Variants in LAMA2 observed in about 807,000 individuals in gnomAD.
The protein encoded by LAMA2 is laminin subunit alpha 2.
LAMA2 carries 269 observed loss-of-function variants against 364.8 expected under a neutral mutation model. That is an observed-to-expected ratio of 0.74 (90% CI 0.67 to 0.82). LAMA2 has a LOEUF of 0.82. Among genes scored for constraint, LAMA2 ranks in the 40% least tolerant of loss-of-function variants. The probability of loss-of-function intolerance (pLI) is 0.00; values close to 1 mark genes in which losing one functional copy is unlikely to be tolerated. For missense variants in LAMA2, 3,807 were observed against 3,873.2 expected, an observed-to-expected ratio of 0.98 and a Z score of 0.45; for synonymous variants, 1,379 against 1,370.6, an observed-to-expected ratio of 1.01 and a Z score of -0.14.
At chr6:129,506,105 C>T (rs925088477) in intron 61 of LAMA2, among the ~76,000 whole-genome samples, 1 of 152,032 alleles carries the variant, frequency 6.6e-6, no homozygotes, top group Non-Finnish European at 1.5e-5. Flanking sequence ...GTAATCCCAG[C>T]ACTTTGGGAG....
At chr6:129,256,655 A>G (rs1786688504) in intron 14 of LAMA2, among the ~76,000 whole-genome samples, 1 of 151,368 alleles carries the variant, frequency 6.6e-6, no homozygotes, top group Non-Finnish European at 1.5e-5. Context: ...TTTAATAAAT[A>G]GCTGCAAAAG....
At chr6:129,008,093 A>C (rs1348860174) in intron 1 of LAMA2, among the ~76,000 whole-genome samples, 1 of 152,176 alleles carries the variant, frequency 6.6e-6, no homozygotes, top group Admixed American at 6.5e-5. Context: ...GTAGTTCACT[A>C]TTGAAATCAT....
At chr6:129,041,598 A>C (rs75706043) in intron 1 of LAMA2, among the ~76,000 whole-genome samples, 2,337 of 152,312 alleles carry the variant, frequency 0.015, 72 homozygotes, top group African/African-American at 0.053. Flanking sequence ...AATCTTACAT[A>C]TGTGTCATAT....
chr6:129,288,711 T>C (rs1351724211), intron 19 of LAMA2, among the ~76,000 whole-genome samples: 1 of 152,164 alleles, frequency 6.6e-6, no homozygotes, highest in Non-Finnish European at 1.5e-5. Flanking sequence ...CCTCTTTACC[T>C]TTTTTGCTGT....
chr6:129,370,192 A>G (rs529878249), intron 34 of LAMA2, among the ~76,000 whole-genome samples: 2 of 152,350 alleles, frequency 1.3e-5, no homozygotes, highest in African/African-American at 4.8e-5. Context: ...GGATACCTGG[A>G]AATTGTCAAT....
chr6:128,923,771 G>A lies in LAMA2; in HGVS notation c.112+40414G>A, dbSNP rs61478478. Among the ~76,000 whole-genome samples, 615 of 152,220 alleles carry A rather than the reference G, an allele frequency of 4.0e-3. 2 individuals are homozygous for A. The highest frequency in any genetic ancestry group is 0.013 in the African/African-American group (532 of 41,538). The stretch of plus-strand genomic sequence containing the variant: ...TAAACCCCCAAATCTTAAAATCTTA[G>A]CATTATAGAGGTTTATTTCTCAATG... On this transcript the variant is annotated intron_variant, in intron 1 of 64. Transcript: ENST00000421865.
At chr6:129,264,452 G>A (rs531559275) in intron 15 of LAMA2, among the ~76,000 whole-genome samples, 102 of 152,166 alleles carry the variant, frequency 6.7e-4, no homozygotes, top group African/African-American at 2.4e-3. Context: ...GCTGTGAAGT[G>A]TAAATGTCAA....
In LAMA2 at chr6:129,250,168, G is replaced by A. The variant is rs1473336393; in HGVS notation, c.1839G>A (p.Glu613=). 3.7e-6 allele frequency: 6 copies of A among 1,610,012 alleles called. No homozygotes were observed. Among genetic ancestry groups the A allele is most frequent in the South Asian group, 3.3e-5 (3 of 91,000 alleles). The change falls in exon 13 of 65, where the codon GAG becomes GAA. Residue 613 remains glutamate, a synonymous_variant. Transcript: ENST00000421865. ...CCATATCATATGACCTTGAAGAAGA[G>A]GAAGAAGATACAGAACGTGTTCTCC... The part of the protein sequence containing the change: ...TFTISYDLEE[E]EEDTERVLQL...
intron 3 of LAMA2, among the ~76,000 whole-genome samples, chr6:129,080,845 A>G (rs199575316): frequency 6.6e-6 from 1 of 152,270 alleles, no homozygotes; most frequent in South Asian, 2.1e-4. Flanking sequence ...CGATTCCTCA[A>G]GGATCTAGAA....
chr6:129,402,058 A>C (rs1349717122), intron 38 of LAMA2, among the ~76,000 whole-genome samples: 1 of 151,974 alleles, frequency 6.6e-6, no homozygotes, highest in Non-Finnish European at 1.5e-5. Context: ...ATATTCAAAA[A>C]ATTAGCTGGG....
At chr6:129,475,895 A>T (rs557926836) in intron 53 of LAMA2, among the ~76,000 whole-genome samples, 1 of 152,086 alleles carries the variant, frequency 6.6e-6, no homozygotes, top group Non-Finnish European at 1.5e-5. Context: ...AAACATTTAC[A>T]CAGCCTTTGC....
intron 22 of LAMA2, among the ~76,000 whole-genome samples, chr6:129,311,374 G>T (rs1384176765): frequency 2.0e-5 from 3 of 152,122 alleles, no homozygotes; most frequent in Non-Finnish European, 4.4e-5. Flanking sequence ...GCCCTCCTCG[G>T]CCTCCCAAAG....
intron 4 of LAMA2, among the ~76,000 whole-genome samples, chr6:129,121,294 A>G (rs1013661139): frequency 6.6e-6 from 1 of 152,238 alleles, no homozygotes; most frequent in African/African-American, 2.4e-5. Flanking sequence ...AAATTCAGTA[A>G]GAAAGATATT....
Position 129,464,376 on chromosome 6 carries a change from A to C in LAMA2, c.7079A>C (p.Asn2360Thr). ...AGCCGTCCCATTCGCTGGTACCCCA[A>C]CATCTCCACTGTCATGTTCAAGTTC... ...LVSRPIRWYPNISTVMFKFRT... is the reference protein window; with the variant it reads ...LVSRPIRWYPTISTVMFKFRT... The change falls in exon 50 of 65, where the codon AAC (asparagine) becomes ACC (threonine). Residue 2360 changes from asparagine (N) to threonine (T), a missense_variant. This residue lies in a region of LAMA2 where 3,333 missense variants were observed against 3,345.7 expected (regional missense o/e 1.00). Transcript: ENST00000421865. 1 of 1,612,244 alleles carries C rather than the reference A, an allele frequency of 6.2e-7. No homozygotes were observed. Among genetic ancestry groups the C allele is most frequent in the Non-Finnish European group, 8.5e-7 (1 of 1,178,608 alleles).
chr6:129,453,448 C>T lies in LAMA2; in HGVS notation c.6573+317C>T, dbSNP rs9375629. ...GAGAATAAAGCTATTTTATTTACTT[C>T]TTATTTATTTATCTTATTTACTGTT... On this transcript the variant is annotated intron_variant, in intron 46 of 64. Coordinates refer to ENST00000421865, the MANE Select transcript of LAMA2 (RefSeq NM_000426.4). Among the ~76,000 whole-genome samples the T allele has an allele frequency of 0.15, 22,573 of 151,364 alleles. 1,771 individuals are homozygous for T. The highest frequency in any genetic ancestry group is 0.21 in the East Asian group (1,093 of 5,168).
chr6:129,208,452 A>C (rs1347888078), intron 12 of LAMA2, among the ~76,000 whole-genome samples: 1 of 150,212 alleles, frequency 6.7e-6, no homozygotes, highest in Non-Finnish European at 1.5e-5. Context: ...CTCCCCTCAC[A>C]CATAAACAGA....
At chr6:129,109,724 T>G (rs1562246603) in intron 4 of LAMA2, among the ~76,000 whole-genome samples, 1 of 152,096 alleles carries the variant, frequency 6.6e-6, no homozygotes, top group Non-Finnish European at 1.5e-5. Context: ...ATGAAAACAT[T>G]AAGTAAACCA....
intron 4 of LAMA2, among the ~76,000 whole-genome samples, chr6:129,100,339 A>G (rs1381111907): frequency 6.6e-6 from 1 of 152,226 alleles, no homozygotes; most frequent in East Asian, 1.9e-4. Context: ...TCTCTGTGAC[A>G]TGTTTCCTTA....
At chr6:129,147,325 T>C (rs1778523493) in intron 6 of LAMA2, among the ~76,000 whole-genome samples, 1 of 150,992 alleles carries the variant, frequency 6.6e-6, no homozygotes, top group South Asian at 2.1e-4. Context: ...TCTCTAGCTA[T>C]GACAGCCTGC....
Sources: allele counts gnomAD v4.1 joint callset (sites outside exome capture counted in the v4.1 genomes callset), GRCh38; gene constraint gnomAD v4.1.1; regional missense constraint gnomAD v4.1.1; transcripts MANE v1.5; gene names NCBI Gene and HGNC (gene_info 2026-07-23, HGNC 2026-07-21).